LEMD3: variants seen among roughly 807,000 people sequenced by gnomAD.
LEMD3 encodes inner nuclear membrane protein Man1.
LEMD3 carries 33 observed loss-of-function variants against 95.2 expected under a neutral mutation model. The observed-to-expected ratio is 0.35, with a 90% CI of 0.26 to 0.46. The LOEUF (loss-of-function observed/expected upper bound fraction) is 0.46, where lower values mean the gene tolerates loss of function less well. LEMD3 is among the 20% of genes least tolerant of loss of function. The pLI is 1.00. For synonymous variants in LEMD3, 525 were observed against 474.6 expected (o/e 1.11, Z -1.38); for missense variants, 1,210 against 1,192.8 (o/e 1.01, Z -0.21).
chr12:65,184,191 T>A (rs992647703), intron 1 of LEMD3, among the ~76,000 whole-genome samples: 2 of 152,234 alleles, frequency 1.3e-5, no homozygotes, highest in African/African-American at 4.8e-5. Context: ...CTATTTAATT[T>A]GAATAATTTC....
chr12:65,205,604 A>G (rs1869737590), intron 1 of LEMD3, among the ~76,000 whole-genome samples: 1 of 152,172 alleles, frequency 6.6e-6, no homozygotes, highest in South Asian at 2.1e-4. Context: ...TGAAAACAGC[A>G]TGGGATTTTT....
chr12:65,191,322 A>G (rs901392295), intron 1 of LEMD3, among the ~76,000 whole-genome samples: 4 of 152,126 alleles, frequency 2.6e-5, no homozygotes, highest in African/African-American at 4.8e-5. Context: ...TTATTATGCA[A>G]TCGACAAGGA....
At chr12:65,231,433 T>C (rs561288800) in intron 4 of LEMD3, among the ~76,000 whole-genome samples, 3 of 152,166 alleles carry the variant, frequency 2.0e-5, no homozygotes, top group African/African-American at 7.2e-5. Flanking sequence ...ACCTATAATC[T>C]CAGCACTTTG....
chr12:65,174,064 A>G (rs1342800168), intron 1 of LEMD3, among the ~76,000 whole-genome samples: 2 of 152,208 alleles, frequency 1.3e-5, no homozygotes, highest in Admixed American at 6.5e-5. Flanking sequence ...TTTGAGTAAT[A>G]GTTTTCACCA....
At chr12:65,219,509 G>C (rs117124158) in intron 4 of LEMD3, among the ~76,000 whole-genome samples, 1 of 152,328 alleles carries the variant, frequency 6.6e-6, no homozygotes, top group Non-Finnish European at 1.5e-5. Flanking sequence ...GCTGGCATTT[G>C]AACGTGGACA....
chr12:65,198,549 C>T (rs970112879), intron 1 of LEMD3, among the ~76,000 whole-genome samples: 6 of 152,134 alleles, frequency 3.9e-5, no homozygotes, highest in African/African-American at 1.2e-4. Flanking sequence ...AGACATATTG[C>T]GTTGTCTTTA....
intron 6 of LEMD3, among the ~76,000 whole-genome samples, chr12:65,239,085 G>A (rs1472111247): frequency 6.6e-6 from 1 of 152,042 alleles, no homozygotes; most frequent in Non-Finnish European, 1.5e-5. Flanking sequence ...ACTTTAGAAA[G>A]TAGAATTGAA....
At chr12:65,219,312 A>G (rs1870209976) in intron 4 of LEMD3, among the ~76,000 whole-genome samples, 1 of 152,230 alleles carries the variant, frequency 6.6e-6, no homozygotes, top group Non-Finnish European at 1.5e-5. Flanking sequence ...ACTGTAAATA[A>G]TTTCTGGAAA....
At chr12:65,179,503 A>G (rs1159966280) in intron 1 of LEMD3, among the ~76,000 whole-genome samples, 1 of 152,226 alleles carries the variant, frequency 6.6e-6, no homozygotes, top group East Asian at 1.9e-4. Flanking sequence ...AAAGAGAAGG[A>G]CACCTTAAAC....
intron 1 of LEMD3, among the ~76,000 whole-genome samples, chr12:65,208,951 G>C (rs1869846192): frequency 6.6e-6 from 1 of 152,064 alleles, no homozygotes; most frequent in Admixed American, 6.6e-5. Flanking sequence ...CCCCTCTTCA[G>C]CTTTCTCTGT....
chr12:65,196,181 G>A (rs1440890156), intron 1 of LEMD3, among the ~76,000 whole-genome samples: 5 of 151,486 alleles, frequency 3.3e-5, no homozygotes, highest in Non-Finnish European at 5.9e-5. Flanking sequence ...TAAAGAATAG[G>A]CAGAGGATGG....
intron 10 of LEMD3, among the ~76,000 whole-genome samples, chr12:65,244,458 C>A (rs1405175120): frequency 6.6e-6 from 1 of 152,162 alleles, no homozygotes; most frequent in African/African-American, 2.4e-5. Context: ...TCACTTTCCT[C>A]TCTCTCCTGC....
intron 1 of LEMD3, among the ~76,000 whole-genome samples, chr12:65,188,181 T>C (rs1364838194): frequency 1.3e-5 from 2 of 151,302 alleles, no homozygotes; most frequent in African/African-American, 4.8e-5. Context: ...TCCAGTATAG[T>C]ATAAAGACTC....
chr12:65,199,022 G>A (rs1255049574), intron 1 of LEMD3, among the ~76,000 whole-genome samples: 1 of 152,002 alleles, frequency 6.6e-6, no homozygotes, highest in Non-Finnish European at 1.5e-5. Context: ...TTGAGCTGCC[G>A]GGACTTACTT....
At chr12:65,177,170 C>T (rs1868745770) in intron 1 of LEMD3, among the ~76,000 whole-genome samples, 1 of 151,984 alleles carries the variant, frequency 6.6e-6, no homozygotes, top group Admixed American at 6.5e-5. Context: ...TGAGTAATGG[C>T]AATTCATGGA....
intron 4 of LEMD3, among the ~76,000 whole-genome samples, chr12:65,227,688 G>A (rs1419904035): frequency 2.0e-5 from 3 of 151,450 alleles, no homozygotes; most frequent in East Asian, 3.9e-4. Context: ...TTTGAATGCG[G>A]CCCAACACAA....
intron 11 of LEMD3, 36 bp downstream of exon 11, chr12:65,245,810 G>T: frequency 6.2e-7 from 1 of 1,604,096 alleles, no homozygotes; most frequent in South Asian, 1.1e-5. Flanking sequence ...TCATGTTTTG[G>T]ATTTGTTGCT....
At chr12:65,241,214 A>C in intron 9 of LEMD3, 127 bp downstream of exon 9, 1 of 785,804 alleles carries the variant, frequency 1.3e-6, no homozygotes, top group Admixed American at 2.1e-5. Flanking sequence ...GTTTCGTAGA[A>C]GGAATCAGTG....
At chr12:65,218,720 T>C (rs1870187367) in intron 4 of LEMD3, 101 bp downstream of exon 4, 2 of 704,882 alleles carry the variant, frequency 2.8e-6, no homozygotes, top group Non-Finnish European at 4.9e-6. Flanking sequence ...AATTGTACTG[T>C]TAAAAGCTTG....
Sources: gnomAD v4.1 joint callset for allele counts (sites outside exome capture counted in the v4.1 genomes callset) on GRCh38, gnomAD v4.1.1 for gene constraint, MANE v1.5 for transcripts, NCBI Gene and HGNC (gene_info 2026-07-23, HGNC 2026-07-21) for gene names.